Variants in TBL1Y observed in about 807,000 individuals in gnomAD.
TBL1Y encodes the protein F-box-like/WD repeat-containing protein TBL1Y.
A neutral mutation model predicts 12.0 loss-of-function variants in TBL1Y; 15 were observed. That is an observed-to-expected ratio of 1.25 (90% CI 0.83 to 1.92). The LOEUF (loss-of-function observed/expected upper bound fraction) is 1.92. Among genes scored for constraint, TBL1Y ranks in the 40% most tolerant of loss-of-function variants. TBL1Y has a pLI of 0.00. For synonymous variants in TBL1Y, 53 were observed against 42.6 expected, an observed-to-expected ratio of 1.24 and a Z score of -0.95; for missense variants, 148 against 116.7, an observed-to-expected ratio of 1.27 and a Z score of -1.24.
intron 2 of TBL1Y, among the ~76,000 whole-genome samples, chrY:6,964,525 T>C (rs112190501): frequency 7.2e-4 from 24 of 33,404 alleles, no homozygotes; most frequent in African/African-American, 2.7e-3. Context: ...TAGCAATTGA[T>C]CTGCATCTAT....
chrY:6,981,413 TTAA>T (rs2012279838), intron 3 of TBL1Y, among the ~76,000 whole-genome samples: 1 of 33,489 alleles, frequency 3.0e-5, no homozygotes, highest in Admixed American at 2.8e-4. Flanking sequence ...TTCACATCAA[TTAA>T]TAATAATAAT....
chrY:6,922,903 C>T lies in TBL1Y; in HGVS notation c.-266+10731C>T, dbSNP rs760145913. Among the ~76,000 whole-genome samples, 8 of 34,497 alleles carry T rather than the reference C, an allele frequency of 2.3e-4. No homozygotes were observed. In the East Asian group the frequency reaches 4.0e-3, roughly 17 times the overall value. 92.6% of individuals were successfully genotyped at this position (34,497 alleles called of 37,273 possible). ...CGGAGGCCACAGCCCACCCAGAACG[C>T]GCGCAGGCCGAGACCGCGCGCAGCC... On this transcript the variant is annotated intron_variant, in intron 2 of 18. Transcript: ENST00000383032.
intron 3 of TBL1Y, among the ~76,000 whole-genome samples, chrY:6,989,384 T>TA (rs2012347099): frequency 3.0e-5 from 1 of 33,260 alleles, no homozygotes; most frequent in Non-Finnish European, 7.4e-5. Flanking sequence ...AAAACACTGA[T>TA]ACCGAATTCC....
At chrY:7,075,186 A>C in intron 13 of TBL1Y, among the ~76,000 whole-genome samples, 1 of 33,022 alleles carries the variant, frequency 3.0e-5, no homozygotes, top group Admixed American at 2.7e-4. Context: ...CTGCAAGCAG[A>C]GGACATGGGT....
Position 7,084,592 on chromosome Y carries a change from G to C in TBL1Y, c.1078-1306G>C, listed in dbSNP as rs757516061. Among the ~76,000 whole-genome samples, 7 of 33,877 alleles carry C rather than the reference G, an allele frequency of 2.1e-4. No individual in the cohort carries two copies. In the East Asian group the frequency reaches 5.6e-3, roughly 27 times the overall value. The allele number at this position is 33,877 out of a possible 37,273, so 90.9% of individuals were successfully genotyped here. ...GCTGGGATTAGAAGCATGAGCCACC[G>C]TGCCCAGCACAAGTGATTCTTTTAT... On this transcript the variant is annotated intron_variant, in intron 14 of 18. Coordinates refer to ENST00000383032, the MANE Select transcript of TBL1Y (RefSeq NM_033284.2).
chrY:7,087,314 T>C lies in TBL1Y; in HGVS notation c.1328T>C (p.Val443Ala). The C allele has an allele frequency of 2.5e-6, 1 of 395,570 alleles. No homozygotes were observed. The highest frequency in any genetic ancestry group is 3.5e-6 in the Non-Finnish European group (1 of 282,412). The change falls in exon 17 of 19, where the codon GTC (valine) becomes GCC (alanine). Residue 443 changes from valine (V) to alanine (A), a missense_variant. Coordinates refer to ENST00000383032, the MANE Select transcript of TBL1Y (RefSeq NM_033284.2). Reference protein sequence around the residue: ...TVRLWDVEQGVCTHTLMKHQE... With the variant: ...TVRLWDVEQGACTHTLMKHQE... ...CGACTGTGGGATGTGGAGCAAGGTG[T>C]CTGCACCCACACACTCATGAAGCAT...
chrY:7,086,204 A>T, intron 15 of TBL1Y, 86 bp from the exon 16 acceptor site: 1 of 367,439 alleles, frequency 2.7e-6, no homozygotes, highest in Middle Eastern at 7.7e-4. Context: ...CATTAGCCTC[A>T]CTTATGCACC....
intron 16 of TBL1Y, among the ~76,000 whole-genome samples, chrY:7,086,939 A>G: frequency 3.8e-5 from 1 of 26,487 alleles, no homozygotes; most frequent in Non-Finnish European, 8.5e-5. Context: ...TATATTTTAT[A>G]TATATGTCTT....
intron 6 of TBL1Y, among the ~76,000 whole-genome samples, chrY:7,029,291 G>A: frequency 3.0e-5 from 1 of 33,056 alleles, no homozygotes; most frequent in Non-Finnish European, 7.4e-5. Flanking sequence ...TGTTTGTTTT[G>A]TCAGATGGGC....
intron 2 of TBL1Y, among the ~76,000 whole-genome samples, chrY:6,954,295 C>T: frequency 2.1e-4 from 7 of 34,055 alleles, no homozygotes; most frequent in African/African-American, 8.0e-4. Flanking sequence ...GGCAGGCTGG[C>T]CTCCTTGAGC....
At chrY:7,010,188 T>A (rs886341324) in intron 4 of TBL1Y, among the ~76,000 whole-genome samples, 3 of 33,693 alleles carry the variant, frequency 8.9e-5, no homozygotes, top group African/African-American at 3.5e-4. Flanking sequence ...ATGTGATGGG[T>A]ACATTGTGTA....
At chrY:6,968,619 G>A in intron 2 of TBL1Y, among the ~76,000 whole-genome samples, 4 of 33,542 alleles carry the variant, frequency 1.2e-4, no homozygotes, top group Admixed American at 8.2e-4. Context: ...TGTTGAAGAC[G>A]TGAGTGAATG....
chrY:6,986,605 G>A (rs2012319137), intron 3 of TBL1Y, among the ~76,000 whole-genome samples: 1 of 32,276 alleles, frequency 3.1e-5, no homozygotes, highest in South Asian at 7.5e-4. Flanking sequence ...AGGCCTCTGC[G>A]GAGGCATCTT....
intron 2 of TBL1Y, among the ~76,000 whole-genome samples, chrY:6,954,678 G>C: frequency 3.0e-5 from 1 of 33,377 alleles, no homozygotes; most frequent in African/African-American, 1.2e-4. Context: ...TGCGCCCACT[G>C]TCCGACAAGC....
chrY:7,064,484 G>C (rs907624010), intron 8 of TBL1Y, among the ~76,000 whole-genome samples: 50 of 33,619 alleles, frequency 1.5e-3, no homozygotes, highest in African/African-American at 5.8e-3. Flanking sequence ...AGCCCTCCAT[G>C]TTGAGTGTTT....
chrY:6,965,914 C>T (rs2012165517), intron 2 of TBL1Y, among the ~76,000 whole-genome samples: 1 of 33,594 alleles, frequency 3.0e-5, no homozygotes, highest in Non-Finnish European at 7.4e-5. Flanking sequence ...TTTGAGTTTG[C>T]GCTTCCTAGC....
intron 7 of TBL1Y, among the ~76,000 whole-genome samples, chrY:7,050,828 T>TACAC (rs1404234228): frequency 0.024 from 436 of 18,037 alleles, no homozygotes; most frequent in South Asian, 0.15. Context: ...ACATCATGGA[T>TACAC]ACACACACAC....
intron 3 of TBL1Y, among the ~76,000 whole-genome samples, chrY:6,987,866 G>A: frequency 3.0e-5 from 1 of 33,038 alleles, no homozygotes; most frequent in African/African-American, 1.2e-4. Flanking sequence ...GTGCAGATCA[G>A]ATGCTGCTCG....
Position 7,063,313 on chromosome Y carries a change from C to T in TBL1Y, c.205-584C>T, listed in dbSNP as rs2012903488. Among the ~76,000 whole-genome samples, 3 of 34,034 alleles carry T rather than the reference C, an allele frequency of 8.8e-5. No individual in the cohort carries two copies. In the South Asian group the frequency reaches 2.0e-3, roughly 22 times the overall value. 91.3% of individuals were successfully genotyped at this position (34,034 alleles called of 37,273 possible). A position where few individuals can be genotyped will look rare whatever the true frequency, so the allele number is the denominator to read the frequency against. On this transcript the variant is annotated intron_variant, in intron 7 of 18. Coordinates refer to ENST00000383032, the MANE Select transcript of TBL1Y (RefSeq NM_033284.2). ...CCCTTACAGATGGAGCAATGGTGAG[C>T]GCACACTCGGACAAGGGAGGGGAAG... is the stretch of plus-strand genomic sequence containing the variant.
Sources: gnomAD v4.1 joint callset for allele counts (sites outside exome capture counted in the v4.1 genomes callset) on GRCh38, gnomAD v4.1.1 for gene constraint, MANE v1.5 for transcripts, NCBI Gene and HGNC (gene_info 2026-07-23, HGNC 2026-07-21) for gene names.